Variants in ARHGAP27 observed in about 807,000 individuals in gnomAD.
The protein encoded by ARHGAP27 is Rho GTPase activating protein 27, also known as rho GTPase-activating protein 27.
ARHGAP27 carries 53 observed loss-of-function variants against 102.0 expected under a neutral mutation model. The ratio of observed to expected loss-of-function variants is 0.52; its 90% confidence interval spans 0.42 to 0.65. ARHGAP27 has a LOEUF of 0.65. Ranked by LOEUF, ARHGAP27 falls within the 30% of genes least tolerant of loss-of-function variation. The pLI is 0.00. For synonymous variants in ARHGAP27, 525 were observed against 542.8 expected (o/e 0.97, Z 0.46); for missense variants, 1,117 against 1,256.2 (o/e 0.89, Z 1.68).
intron 4 of ARHGAP27, among the ~76,000 whole-genome samples, chr17:45,422,276 T>C (rs542813208): frequency 5.1e-4 from 76 of 147,650 alleles, no homozygotes; most frequent in African/African-American, 1.8e-3. Flanking sequence ...TAGCTGGGCA[T>C]GGTGGCACGT....
chr17:45,411,637 C>T (rs1227145086), intron 4 of ARHGAP27, among the ~76,000 whole-genome samples: 1 of 152,102 alleles, frequency 6.6e-6, no homozygotes, highest in East Asian at 1.9e-4. Flanking sequence ...TGTCCCATCC[C>T]CTGTACCCGA....
chr17:45,398,048 C>A lies in ARHGAP27; in HGVS notation c.1744-1G>T. The A allele has an allele frequency of 6.2e-7, 1 of 1,600,772 alleles. No individual in the cohort carries two copies. On this transcript the variant is annotated splice_acceptor_variant, in intron 12 of 19. Coordinates refer to ENST00000685559, the MANE Select transcript of ARHGAP27 (RefSeq NM_001282290.2). LOFTEE classifies it high-confidence loss of function. ...ACTCAGAGCCATCTCGGCTCCGTAG[C>A]TGGAGGGACACAAGTCAGTGGGTCA... is the stretch of plus-strand genomic sequence containing the variant.
At chr17:45,418,036 CAA>C (rs781066887) in intron 4 of ARHGAP27, among the ~76,000 whole-genome samples, 11 of 83,112 alleles carry the variant, frequency 1.3e-4, no homozygotes, top group Admixed American at 1.3e-4. Context: ...GACTCTGTCT[CAA>C]AAAAAAAAAA....
At chr17:45,414,404 C>A (rs1161603147) in intron 4 of ARHGAP27, among the ~76,000 whole-genome samples, 1 of 151,704 alleles carries the variant, frequency 6.6e-6, no homozygotes, top group Non-Finnish European at 1.5e-5. Flanking sequence ...ACCTTTGTCC[C>A]TTTCTCATTT....
Position 45,430,571 on chromosome 17 carries a change from G to A in ARHGAP27, c.-18-274C>T, listed in dbSNP as rs940947256. Among the ~76,000 whole-genome samples the A allele has an allele frequency of 1.3e-5, 2 of 152,166 alleles. No homozygotes were observed. The highest frequency in any genetic ancestry group is 4.8e-5 in the African/African-American group (2 of 41,436). On this transcript the variant is annotated intron_variant, in intron 3 of 19. Transcript: ENST00000685559. This position sits in a 1 kb window ranked among gnomAD's most constrained non-coding sequence, Gnocchi z 4.4. ...TCAGTCCTGCGGTGGGGAGATTGTG[G>A]GTAGTCTTGGTCCAAATCGACTGCG...
chr17:45,408,589 T>G (rs1434003768), intron 4 of ARHGAP27: 2 of 152,072 alleles, frequency 1.3e-5, no homozygotes, highest in Non-Finnish European at 2.9e-5. Context: ...CCACCATAGC[T>G]CTGATGTGGC....
chr17:45,426,155 G>A (rs1238606266), intron 4 of ARHGAP27, among the ~76,000 whole-genome samples: 1 of 152,126 alleles, frequency 6.6e-6, no homozygotes, highest in Non-Finnish European at 1.5e-5. Flanking sequence ...GGTGGGGCTT[G>A]GGGTCAGGGG....
At chr17:45,415,678 C>T (rs2048381954) in intron 4 of ARHGAP27, among the ~76,000 whole-genome samples, 1 of 152,206 alleles carries the variant, frequency 6.6e-6, no homozygotes, top group Non-Finnish European at 1.5e-5. Flanking sequence ...TCCGACCAGC[C>T]TAAGCCTTGC....
At position 45,429,612 on chromosome 17, in the gene ARHGAP27, C is replaced by G. The variant is rs996172653; in HGVS notation, c.657+11G>C. 1 of 1,575,910 alleles carries G rather than the reference C, an allele frequency of 6.3e-7. No homozygotes were observed. The highest frequency in any genetic ancestry group is 8.6e-7 in the Non-Finnish European group (1 of 1,161,006). ...CCACCCGCCTCCGCGCCCCAGCGCC[C>G]GGGGAGGTACCTGCTCTGCGCTCTC... On this transcript the variant is annotated intron_variant, in intron 4 of 19. Transcript: ENST00000685559.
chr17:45,428,271 G>T (rs1453267739), intron 4 of ARHGAP27, among the ~76,000 whole-genome samples: 1 of 152,250 alleles, frequency 6.6e-6, no homozygotes, highest in East Asian at 1.9e-4. Flanking sequence ...CTGAGTGAAG[G>T]CGGCGGAGAC....
Position 45,395,583 on chromosome 17 carries a change from A to G in ARHGAP27, c.2543T>C (p.Ile848Thr), listed in dbSNP as rs768832264. 2.5e-6 allele frequency: 4 copies of G among 1,606,710 alleles called. No individual in the cohort carries two copies. Among genetic ancestry groups the G allele is most frequent in the East Asian group, 2.2e-5 (1 of 44,464 alleles). The change falls in exon 20 of 20, where the codon ATT becomes ACT. Residue 848 changes from isoleucine to threonine, a missense_variant. Physicochemically the swap from Ile to Thr is moderately conservative, Grantham distance 89. This residue lies in a region of ARHGAP27 where 493 missense variants were observed against 505.5 expected (regional missense o/e 0.98). Transcript: ENST00000685559. ...QNRMSVQSVAIVFGPTLLRPE... is the reference protein window; with the variant it reads ...QNRMSVQSVATVFGPTLLRPE... ...CCGCAGCAGCGTGGGCCCGAACACA[A>G]TGGCCACGCTCTGCACCGACATGCG...
chr17:45,404,971 T>C lies in ARHGAP27; in HGVS notation c.1201A>G (p.Ser401Gly). Residue 401 changes from serine (S) to glycine (G), a missense_variant, in exon 6 of 20, where the codon AGC (serine) becomes GGC (glycine). This residue lies in a region of ARHGAP27 where 610 missense variants were observed against 716.4 expected (regional missense o/e 0.85). Coordinates refer to ENST00000685559, the MANE Select transcript of ARHGAP27 (RefSeq NM_001282290.2). ...TTPPGWSCHVSQDKQMLYTNH... is the reference protein window; with the variant it reads ...TTPPGWSCHVGQDKQMLYTNH... ...GTGTAGAGCATCTGCTTGTCCTGGC[T>C]GACATGACAAGACCAGCCGGGGGGT... is the stretch of plus-strand genomic sequence containing the variant. The C allele has an allele frequency of 6.2e-7, 1 of 1,613,946 alleles. No individual in the cohort carries two copies. Among genetic ancestry groups the C allele is most frequent in the Non-Finnish European group, 8.5e-7 (1 of 1,179,950 alleles).
Position 45,422,633 on chromosome 17 carries a change from G to A in ARHGAP27, c.657+6990C>T, listed in dbSNP as rs142407197. Among the ~76,000 whole-genome samples the A allele has an allele frequency of 8.8e-4, 134 of 152,208 alleles. 1 individual carries two copies. Among genetic ancestry groups the A allele is most frequent in the African/African-American group, 3.0e-3 (123 of 41,524 alleles). Reference sequence around the variant, plus strand: ...ATGATAGAAAAGCACAATTTGTAACGAAAGAACGCTCGAAATCTGCATCCT... The same window carrying A: ...ATGATAGAAAAGCACAATTTGTAACAAAAGAACGCTCGAAATCTGCATCCT... On this transcript the variant is annotated intron_variant, in intron 4 of 19. Transcript: ENST00000685559.
At chr17:45,420,164 G>T (rs1181820112) in intron 4 of ARHGAP27, among the ~76,000 whole-genome samples, 1 of 152,154 alleles carries the variant, frequency 6.6e-6, no homozygotes. Context: ...AGCAAAAAAT[G>T]GGAAATATTC....
Position 45,404,941 on chromosome 17 carries a change from G to C in ARHGAP27, c.1231C>G (p.His411Asp). ...SQDKQMLYTN[H>D]FTQEQWVRLE... ...GCCCCTACCTGCTCCTGAGTGAAGT[G>C]GTTGGTGTAGAGCATCTGCTTGTCC... is the stretch of plus-strand genomic sequence containing the variant. Residue 411 changes from histidine (H) to aspartate (D), a missense_variant, in exon 6 of 20, where the codon CAC becomes GAC. His to Asp is a moderately conservative substitution (Grantham distance 81, BLOSUM62 -1). Coordinates refer to ENST00000685559, the MANE Select transcript of ARHGAP27 (RefSeq NM_001282290.2). The C allele has an allele frequency of 1.9e-6, 3 of 1,614,140 alleles. No homozygotes were observed. Among genetic ancestry groups the C allele is most frequent in the Non-Finnish European group, 1.7e-6 (2 of 1,180,010 alleles).
chr17:45,416,336 G>T (rs535126213), intron 4 of ARHGAP27, among the ~76,000 whole-genome samples: 41 of 152,058 alleles, frequency 2.7e-4, no homozygotes, highest in African/African-American at 9.4e-4. Context: ...TTACAGGCGT[G>T]AGCCACCGCG....
chr17:45,430,869 C>T lies in ARHGAP27; in HGVS notation c.-18-572G>A, dbSNP rs1358772884. Among the ~76,000 whole-genome samples, 2 of 152,162 alleles carry T rather than the reference C, an allele frequency of 1.3e-5. No individual in the cohort carries two copies. Among genetic ancestry groups the T allele is most frequent in the Non-Finnish European group, 2.9e-5 (2 of 68,004 alleles). The stretch of plus-strand genomic sequence containing the variant: ...TCTGTAGGGGGCCGAGCGAACAGCT[C>T]TACCTGGGGGCTGTCGCTGCCCCCC... On this transcript the variant is annotated intron_variant, in intron 3 of 19. Coordinates refer to ENST00000685559, the MANE Select transcript of ARHGAP27 (RefSeq NM_001282290.2). The surrounding 1 kb of genome is among the most constrained non-coding windows in gnomAD (Gnocchi z 4.4).
intron 5 of ARHGAP27, 109 bp downstream of exon 5, chr17:45,405,567 G>A (rs2047056681): frequency 1.4e-6 from 1 of 733,630 alleles, no homozygotes; most frequent in Non-Finnish European, 2.0e-6. Context: ...AGGTAGCCCC[G>A]CCCACCCATC....
At chr17:45,414,811 C>A (rs1359383569) in intron 4 of ARHGAP27, among the ~76,000 whole-genome samples, 1 of 46 alleles carries the variant, frequency 0.022, no homozygotes, top group African/African-American at 0.1. Flanking sequence ...GAAATCCCAG[C>A]ACTTTGGAGG....
Sources: allele counts gnomAD v4.1 joint callset (sites outside exome capture counted in the v4.1 genomes callset), GRCh38; gene constraint gnomAD v4.1.1; regional missense constraint gnomAD v4.1.1; non-coding constraint Gnocchi (gnomAD v3.1); transcripts MANE v1.5; gene names NCBI Gene and HGNC (gene_info 2026-07-23, HGNC 2026-07-21).